The following AFTPH variants were observed in gnomAD, a reference collection of about 807,000 sequenced individuals.
AFTPH encodes aftiphilin protein.
Under a neutral mutation model 72.5 loss-of-function variants are expected in AFTPH, and 7 were observed. The ratio of observed to expected loss-of-function variants is 0.10; its 90% CI spans 0.05 to 0.18. The LOEUF (loss-of-function observed/expected upper bound fraction) is 0.18. Among genes scored for constraint, AFTPH ranks in the 10% least tolerant of loss-of-function variants. The pLI is 1.00. For missense variants in AFTPH, 979 were observed against 1,060.5 expected, an observed-to-expected ratio of 0.92 and a Z score of 1.07; for synonymous variants, 337 against 370.1, an observed-to-expected ratio of 0.91 and a Z score of 1.03.
intron 1 of AFTPH, among the ~76,000 whole-genome samples, chr2:64,530,617 G>T (rs1669571180): frequency 6.6e-6 from 1 of 152,092 alleles, no homozygotes; most frequent in African/African-American, 2.4e-5. Context: ...ACTACAAAAA[G>T]AAAACTGTTA....
At chr2:64,572,970 C>T in exon 6 of AFTPH, 2 of 1,614,062 alleles carry the variant, frequency 1.2e-6, no homozygotes, top group Middle Eastern at 1.6e-4. Flanking sequence ...CACCAAGGAA[C>T]CACTGAAACC....
intron 8 of AFTPH, among the ~76,000 whole-genome samples, chr2:64,591,656 C>T (rs1673832105): frequency 6.6e-6 from 1 of 152,156 alleles, no homozygotes; most frequent in Non-Finnish European, 1.5e-5. Context: ...TCTGTGTGTG[C>T]ATGCCTAGCT....
rs967820445 is a variant in AFTPH at position 64,585,362 on chromosome 2, G to T, written c.2456-60G>T. 7.3e-5 allele frequency: 117 copies of T among 1,598,468 alleles called. No individual in the cohort carries two copies. The African/African-American group carries it at 1.4e-3, about 19-fold the overall frequency. On this transcript the variant is annotated intron_variant, in intron 7 of 8. Transcript: ENST00000238856. ...AATATTGCCTTTTGCATCTTGGATT[G>T]TGGCTAACTGGGTAACCCATTGCAG...
intron 1 of AFTPH, among the ~76,000 whole-genome samples, chr2:64,543,043 A>T (rs900421078): frequency 2.0e-5 from 3 of 152,250 alleles, no homozygotes; most frequent in Non-Finnish European, 4.4e-5. Flanking sequence ...GTTTCTCCAC[A>T]TCCTTACCAA....
chr2:64,537,072 T>A (rs1669939105), intron 1 of AFTPH, among the ~76,000 whole-genome samples: 1 of 152,190 alleles, frequency 6.6e-6, no homozygotes, highest in African/African-American at 2.4e-5. Context: ...TCTTTTTTAA[T>A]GGCTGCACTT....
intron 1 of AFTPH, among the ~76,000 whole-genome samples, chr2:64,549,857 T>G (rs1670925006): frequency 6.6e-6 from 1 of 152,170 alleles, no homozygotes; most frequent in Admixed American, 6.5e-5. Flanking sequence ...AAATTAAATG[T>G]TTTTTATTCC....
chr2:64,551,928 C>G (rs1202200122), exon 2 of AFTPH: 1 of 1,613,476 alleles, frequency 6.2e-7, no homozygotes, highest in South Asian at 1.1e-5. Context: ...AAGTTTCTCT[C>G]CAGGAGATTT....
chr2:64,531,401 T>C (rs1669626912), intron 1 of AFTPH, among the ~76,000 whole-genome samples: 2 of 152,352 alleles, frequency 1.3e-5, no homozygotes, highest in South Asian at 4.1e-4. Context: ...AGTTTTTAAA[T>C]TACTGGAATT....
chr2:64,560,301 A>G (rs114269763), intron 2 of AFTPH, among the ~76,000 whole-genome samples: 239 of 152,280 alleles, frequency 1.6e-3, no homozygotes, highest in African/African-American at 5.6e-3. Flanking sequence ...TTGTCAATTC[A>G]TACATGAAGC....
intron 8 of AFTPH, 118 bp downstream of exon 9, chr2:64,585,663 A>G (rs1673460329): frequency 3.5e-6 from 4 of 1,155,468 alleles, no homozygotes; most frequent in Non-Finnish European, 4.8e-6. Context: ...GCTTTATAAA[A>G]GTCAGTCGAT....
chr2:64,552,112 G>C, exon 2 of AFTPH: 1 of 1,613,970 alleles, frequency 6.2e-7, no homozygotes, highest in South Asian at 1.1e-5. Flanking sequence ...AAGCCTCTTA[G>C]CACTCATAGC....
chr2:64,552,831 C>A, exon 2 of AFTPH: 2 of 1,614,176 alleles, frequency 1.2e-6, no homozygotes, highest in Non-Finnish European at 8.5e-7. Flanking sequence ...TACTGGTACT[C>A]AAGATTCAAT....
At chr2:64,574,185 A>G (rs1411038424) in intron 6 of AFTPH, among the ~76,000 whole-genome samples, 1 of 152,194 alleles carries the variant, frequency 6.6e-6, no homozygotes, top group Non-Finnish European at 1.5e-5. Context: ...CATTTCTAAA[A>G]CATATTCTTG....
chr2:64,551,387 A>G lies in AFTPH; in HGVS notation c.-32-56A>G, dbSNP rs1012842243. 11 of 1,352,298 alleles carry G rather than the reference A, an allele frequency of 8.1e-6. No individual in the cohort carries two copies. In the African/African-American group the frequency reaches 1.3e-4, roughly 16 times the overall value. The allele number at this position is 1,352,298 out of a possible 1,614,324, so 83.8% of individuals were successfully genotyped here. ...AAAGTAGCTTTGAGAGAATTTTGAA[A>G]GATCTTGTTCTATGTAATCTGTCCC... On this transcript the variant is annotated intron_variant, in intron 1 of 8. Transcript: ENST00000238856.
intron 5 of AFTPH, 144 bp downstream of exon 5, chr2:64,569,823 C>G (rs1672311059): frequency 1.6e-6 from 1 of 621,472 alleles, no homozygotes; most frequent in South Asian, 2.4e-5. Flanking sequence ...TTTTTGATCT[C>G]ATAAATCCCA....
intron 2 of AFTPH, among the ~76,000 whole-genome samples, chr2:64,562,873 A>G (rs944147314): frequency 6.6e-6 from 1 of 152,224 alleles, no homozygotes; most frequent in Non-Finnish European, 1.5e-5. Context: ...ATACTGCCTT[A>G]CGTGCCTAAG....
chr2:64,583,203 G>A (rs1573043541), intron 7 of AFTPH, among the ~76,000 whole-genome samples: 1 of 151,260 alleles, frequency 6.6e-6, no homozygotes, highest in South Asian at 2.1e-4. Flanking sequence ...AAGTCATTTC[G>A]TCTTAGCTTG....
intron 1 of AFTPH, among the ~76,000 whole-genome samples, chr2:64,527,144 A>C (rs1427072554): frequency 6.6e-6 from 1 of 152,240 alleles, no homozygotes; most frequent in Non-Finnish European, 1.5e-5. Context: ...ATGGGTTTAC[A>C]AACATATCTT....
chr2:64,555,982 T>C (rs1671339061), intron 2 of AFTPH, among the ~76,000 whole-genome samples: 1 of 150,606 alleles, frequency 6.6e-6, no homozygotes, highest in Non-Finnish European at 1.5e-5. Flanking sequence ...ACAGCACGAA[T>C]TCCTCACTTT....
Sources: gnomAD v4.1 joint callset for allele counts (sites outside exome capture counted in the v4.1 genomes callset) on GRCh38, gnomAD v4.1.1 for gene constraint, MANE v1.5 for transcripts, NCBI Gene and HGNC (gene_info 2026-07-23, HGNC 2026-07-21) for gene names.